The following COL28A1 variants were observed in gnomAD, a reference collection of about 807,000 sequenced individuals.
The protein encoded by COL28A1 is collagen type XXVIII alpha 1 chain, also known as collagen alpha-1(XXVIII) chain.
COL28A1 carries 161 observed loss-of-function variants against 150.2 expected under a neutral mutation model. The observed-to-expected ratio is 1.07, with a 90% confidence interval of 0.94 to 1.22. The LOEUF (loss-of-function observed/expected upper bound fraction) is 1.22. COL28A1 is among the 50% of genes most tolerant of loss of function. COL28A1 has a pLI of 0.00. For missense variants in COL28A1, 1,617 were observed against 1,388.3 expected (o/e 1.16, Z -2.62); for synonymous variants, 552 against 469.7 (o/e 1.18, Z -2.26).
At chr7:7,423,994 C>A (rs997687919) in intron 25 of COL28A1, among the ~76,000 whole-genome samples, 5 of 152,140 alleles carry the variant, frequency 3.3e-5, no homozygotes, top group African/African-American at 1.2e-4. Flanking sequence ...CAGTGTTCAC[C>A]TAAAACAAAC....
At chr7:7,436,266 AT>A in intron 23 of COL28A1, 128 bp downstream of exon 23, 1 of 681,634 alleles carries the variant, frequency 1.5e-6, no homozygotes, top group Middle Eastern at 3.7e-4. Context: ...AAAAAAGGGA[AT>A]AGCTATATTC....
chr7:7,433,216 G>A (rs1385779564), intron 23 of COL28A1, among the ~76,000 whole-genome samples: 1 of 152,118 alleles, frequency 6.6e-6, no homozygotes, highest in Non-Finnish European at 1.5e-5. Context: ...AGGGAGGGGT[G>A]ATTATTGTCC....
rs560149867 is a variant in COL28A1 at position 7,500,929 on chromosome 7, G to C, written c.1026+5085C>G. On this transcript the variant is annotated intron_variant, in intron 11 of 34. Coordinates refer to ENST00000399429, the MANE Select transcript of COL28A1 (RefSeq NM_001037763.3). ...AAATATATCATGTACTACCCTCATC[G>C]CCCTCACTGCAACGAACTCCTCTTC... 3.3e-5 allele frequency among the ~76,000 whole-genome samples: 5 copies of C among 152,220 alleles called. No individual in the cohort carries two copies. The South Asian group carries it at 8.3e-4, about 25-fold the overall frequency.
At position 7,372,945 on chromosome 7, in the gene COL28A1, A is replaced by T. The variant is rs553624682; in HGVS notation, c.2908+53T>A. 10 of 1,475,948 alleles carry T rather than the reference A, an allele frequency of 6.8e-6. No homozygotes were observed. In the East Asian group the frequency reaches 2.3e-4, roughly 33 times the overall value. 91.4% of individuals were successfully genotyped at this position (1,475,948 alleles called of 1,614,324 possible). A position where few individuals can be genotyped will look rare whatever the true frequency, so the allele number is the denominator to read the frequency against. On this transcript the variant is annotated intron_variant, in intron 32 of 34. Coordinates refer to ENST00000399429, the MANE Select transcript of COL28A1 (RefSeq NM_001037763.3). ...GGTCAGGACAAACCAGTGATATGGT[A>T]CTTAGAGGAACAACATAAATGCCTT...
chr7:7,431,768 A>G (rs1278438598), intron 25 of COL28A1: 1 of 322,266 alleles, frequency 3.1e-6, no homozygotes, highest in East Asian at 8.4e-5. Context: ...AGGGAAGACC[A>G]ATGAAGAGGC....
chr7:7,429,204 C>G (rs1015588600), intron 25 of COL28A1, among the ~76,000 whole-genome samples: 3 of 152,002 alleles, frequency 2.0e-5, no homozygotes, highest in African/African-American at 7.2e-5. Context: ...CCATATGGCT[C>G]TACTACCACA....
chr7:7,355,415 G>A (rs895721663), downstream of COL28A1, among the ~76,000 whole-genome samples: 3 of 152,012 alleles, frequency 2.0e-5, no homozygotes, highest in African/African-American at 7.3e-5. Flanking sequence ...TTCAAGACCA[G>A]CCCGGACAAC....
chr7:7,509,992 T>C (rs1781035059), intron 9 of COL28A1, among the ~76,000 whole-genome samples: 1 of 152,184 alleles, frequency 6.6e-6, no homozygotes, highest in Non-Finnish European at 1.5e-5. Flanking sequence ...ATTTAAAGTG[T>C]TTAGTTTCAT....
intron 9 of COL28A1, 77 bp downstream of exon 9, chr7:7,511,014 G>C: frequency 8.8e-7 from 1 of 1,138,962 alleles, no homozygotes; most frequent in Non-Finnish European, 1.3e-6. Flanking sequence ...CCATAATTCA[G>C]CCCAGGAATT....
In COL28A1 at chr7:7,464,308, C is replaced by T. The variant is rs146337824; in HGVS notation, c.1303-8196G>A. On this transcript the variant is annotated intron_variant, in intron 15 of 34. Coordinates refer to ENST00000399429, the MANE Select transcript of COL28A1 (RefSeq NM_001037763.3). ...GATTTAAACTATACCCTGGAACAAA[C>T]GGACTTAACAGATACTTACAGAACA... is the stretch of plus-strand genomic sequence containing the variant. Among the ~76,000 whole-genome samples, 823 of 152,226 alleles carry T rather than the reference C, an allele frequency of 5.4e-3. 8 individuals are homozygous for T. Among genetic ancestry groups the T allele is most frequent in the East Asian group, 0.04 (206 of 5,176 alleles).
At chr7:7,361,843 T>G (rs1017074888) in intron 33 of COL28A1, among the ~76,000 whole-genome samples, 30 of 67,422 alleles carry the variant, frequency 4.4e-4, no homozygotes, top group African/African-American at 1.2e-3. Context: ...CATGGAATAC[T>G]ATGCAGCCAT....
chr7:7,411,780 G>C (rs555988200), intron 27 of COL28A1, among the ~76,000 whole-genome samples: 3 of 152,272 alleles, frequency 2.0e-5, no homozygotes, highest in African/African-American at 7.2e-5. Flanking sequence ...AAATAAGAAA[G>C]AAGATTATCA....
At chr7:7,460,612 G>T (rs1286921209) in intron 15 of COL28A1, among the ~76,000 whole-genome samples, 1 of 152,012 alleles carries the variant, frequency 6.6e-6, no homozygotes, top group Non-Finnish European at 1.5e-5. Context: ...TCGATCTCCT[G>T]ACCTCGTGAT....
intron 22 of COL28A1, 72 bp from the exon 23 acceptor site, chr7:7,436,535 C>T: frequency 1.2e-6 from 1 of 846,078 alleles, no homozygotes; most frequent in East Asian, 2.4e-5. Context: ...GCAAAAAAAA[C>T]CATTGGCCAC....
chr7:7,436,310 C>T, intron 23 of COL28A1, 85 bp downstream of exon 23: 1 of 826,988 alleles, frequency 1.2e-6, no homozygotes, highest in Non-Finnish European at 2.1e-6. Context: ...AGAAACCTCA[C>T]AAGTAGAAAA....
chr7:7,497,374 T>C (rs1780278072), intron 11 of COL28A1, among the ~76,000 whole-genome samples: 1 of 152,210 alleles, frequency 6.6e-6, no homozygotes, highest in Non-Finnish European at 1.5e-5. Flanking sequence ...TATTAACTCA[T>C]TTAATCCTCA....
chr7:7,409,326 G>C (rs1784828337), intron 27 of COL28A1, among the ~76,000 whole-genome samples: 2 of 151,970 alleles, frequency 1.3e-5, no homozygotes, highest in African/African-American at 4.8e-5. Context: ...ACTTGACTTG[G>C]TTTTATATGG....
chr7:7,415,797 G>A (rs1412926047), intron 27 of COL28A1, among the ~76,000 whole-genome samples: 1 of 152,022 alleles, frequency 6.6e-6, no homozygotes, highest in Non-Finnish European at 1.5e-5. Context: ...CTCCCAAAGT[G>A]CTGGGTAGTT....
At position 7,400,975 on chromosome 7, in the gene COL28A1, GGTGTGTGTGT is replaced by G. The variant is rs60064708; in HGVS notation, c.2136+16874_2136+16883del. ...GTCCCATAGGACGTGTGGGTATTTGGGTGTGTGTGTGTGTGTGTGTGTGTGTGTGTGTGTG... is the reference window on the plus strand; with the variant it reads ...GTCCCATAGGACGTGTGGGTATTTGGGTGTGTGTGTGTGTGTGTGTGTGTG... On this transcript the variant is annotated intron_variant, in intron 27 of 34. Coordinates refer to ENST00000399429, the MANE Select transcript of COL28A1 (RefSeq NM_001037763.3). 7.2e-3 allele frequency among the ~76,000 whole-genome samples: 862 copies of G among 119,118 alleles called. 4 individuals carry two copies. The highest frequency in any genetic ancestry group is 0.011 in the African/African-American group (331 of 29,748). The allele number at this position is 119,118 out of a possible 152,430, so 78.1% of individuals were successfully genotyped here. A position where few individuals can be genotyped will look rare whatever the true frequency, so the allele number is the denominator to read the frequency against.
Sources: allele counts gnomAD v4.1 joint callset (sites outside exome capture counted in the v4.1 genomes callset), GRCh38; gene constraint gnomAD v4.1.1; transcripts MANE v1.5; gene names NCBI Gene and HGNC (gene_info 2026-07-23, HGNC 2026-07-21).